The following RBM33 variants were observed in gnomAD, a reference collection of about 807,000 sequenced individuals.
The protein encoded by RBM33 is RNA-binding protein 33.
A neutral mutation model predicts 132.6 loss-of-function variants in RBM33; 28 were observed. The observed-to-expected ratio is 0.21, with a 90% confidence interval of 0.16 to 0.29. RBM33 has a LOEUF of 0.29. RBM33 is among the 10% of genes least tolerant of loss of function. RBM33 has a pLI of 1.00. For synonymous variants in RBM33, 634 were observed against 593.0 expected (o/e 1.07, Z -1.01); for missense variants, 1,291 against 1,518.5 (o/e 0.85, Z 2.49).
intron 16 of RBM33, among the ~76,000 whole-genome samples, chr7:155,768,780 A>G (rs1802309626): frequency 6.6e-6 from 1 of 151,978 alleles, no homozygotes; most frequent in African/African-American, 2.4e-5. Context: ...CGCCTGGCTA[A>G]TTTTTTGTAT....
At chr7:155,769,308 G>A (rs1296030397) in intron 16 of RBM33, among the ~76,000 whole-genome samples, 1 of 152,170 alleles carries the variant, frequency 6.6e-6, no homozygotes, top group East Asian at 1.9e-4. Context: ...ACCGTCATCT[G>A]TGTTTCTTGC....
At chr7:155,717,220 C>T (rs1022642345) in intron 8 of RBM33, among the ~76,000 whole-genome samples, 2 of 152,162 alleles carry the variant, frequency 1.3e-5, no homozygotes, top group Non-Finnish European at 2.9e-5. Context: ...GTGAGTTAAA[C>T]AACAGAAACT....
intron 2 of RBM33, 55 bp from the exon 3 acceptor site, chr7:155,672,812 A>G (rs1798980848): frequency 2.2e-6 from 3 of 1,348,300 alleles, no homozygotes; most frequent in Non-Finnish European, 2.1e-6. Context: ...GTGATCTACA[A>G]ACTTGCAAGT....
In RBM33 at chr7:155,696,968, C is replaced by G. The variant is rs181535227; in HGVS notation, c.568-3805C>G. On this transcript the variant is annotated intron_variant, in intron 5 of 17. Coordinates refer to ENST00000401878, the MANE Select transcript of RBM33 (RefSeq NM_053043.3). ...GAGGTTGTGGATTTTGGAAAGAACA[C>G]TATGGAACCCTTGTGCCACTGGGCG... Among the ~76,000 whole-genome samples the G allele has an allele frequency of 1.2e-4, 19 of 152,332 alleles. No homozygotes were observed. In the East Asian group the frequency reaches 3.7e-3, roughly 29 times the overall value.
At chr7:155,658,899 AT>A (rs1249246469) in intron 1 of RBM33, among the ~76,000 whole-genome samples, 1 of 152,030 alleles carries the variant, frequency 6.6e-6, no homozygotes, top group Admixed American at 6.6e-5. Flanking sequence ...TGTTATTTTC[AT>A]CCCCCTCTGC....
intron 2 of RBM33, among the ~76,000 whole-genome samples, chr7:155,670,858 ATACACT>A (rs1280559196): frequency 6.6e-6 from 1 of 152,234 alleles, no homozygotes; most frequent in Non-Finnish European, 1.5e-5. Flanking sequence ...TTTATAGTTG[ATACACT>A]TACTTATCTT....
intron 5 of RBM33, among the ~76,000 whole-genome samples, chr7:155,688,384 G>A (rs1275766113): frequency 2.6e-5 from 4 of 152,262 alleles, no homozygotes; most frequent in East Asian, 1.9e-4. Flanking sequence ...GGGCTGAGAC[G>A]ATGGGGTTTT....
intron 1 of RBM33, among the ~76,000 whole-genome samples, chr7:155,646,109 G>T (rs1798181906): frequency 6.6e-6 from 1 of 152,110 alleles, no homozygotes; most frequent in Admixed American, 6.5e-5. Flanking sequence ...TGTAACCTGG[G>T]AACTCTTGGG....
chr7:155,750,703 C>T (rs528899816), intron 14 of RBM33, among the ~76,000 whole-genome samples: 3 of 151,692 alleles, frequency 2.0e-5, no homozygotes, highest in Admixed American at 1.3e-4. Flanking sequence ...AATGTTACCA[C>T]CCTTTTAGTT....
At chr7:155,673,948 T>TTTTTG (rs1563138376) in intron 3 of RBM33, among the ~76,000 whole-genome samples, 14 of 104,556 alleles carry the variant, frequency 1.3e-4, no homozygotes, top group African/African-American at 5.3e-4. Context: ...TAGTTTTTTT[T>TTTTTG]TTTTTTTTTT....
intron 8 of RBM33, among the ~76,000 whole-genome samples, chr7:155,715,347 G>A (rs1386196147): frequency 6.6e-6 from 1 of 152,186 alleles, no homozygotes; most frequent in Non-Finnish European, 1.5e-5. Flanking sequence ...GTAAAATGCC[G>A]TGGAAAGCTG....
At chr7:155,672,781 G>T in intron 2 of RBM33, 86 bp from the exon 3 acceptor site, 19 of 754,818 alleles carry the variant, frequency 2.5e-5, no homozygotes, top group Non-Finnish European at 3.8e-5. Context: ...CTGAGCTGTA[G>T]AGTTCTTGGT....
chr7:155,735,552 G>C (rs1801090854), intron 9 of RBM33, among the ~76,000 whole-genome samples: 1 of 151,728 alleles, frequency 6.6e-6, no homozygotes, highest in African/African-American at 2.4e-5. Flanking sequence ...AAAAAAACTA[G>C]CTGGATGTGG....
chr7:155,765,623 G>C (rs2117071642), intron 15 of RBM33, among the ~76,000 whole-genome samples: 1 of 152,274 alleles, frequency 6.6e-6, no homozygotes, highest in Middle Eastern at 3.4e-3. Flanking sequence ...TGGAAACCTA[G>C]TGCCGTCCAT....
chr7:155,702,596 A>C (rs1461630282), intron 6 of RBM33, among the ~76,000 whole-genome samples: 2 of 152,238 alleles, frequency 1.3e-5, no homozygotes, highest in East Asian at 3.8e-4. Context: ...GTAATATCAC[A>C]GAACAGTCTA....
At chr7:155,724,323 G>A (rs1445207602) in intron 9 of RBM33, among the ~76,000 whole-genome samples, 1 of 152,114 alleles carries the variant, frequency 6.6e-6, no homozygotes, top group Non-Finnish European at 1.5e-5. Context: ...GAAGTCAGGA[G>A]TTCGAGACCA....
At chr7:155,646,356 G>A (rs1403527990) in intron 1 of RBM33, among the ~76,000 whole-genome samples, 1 of 152,146 alleles carries the variant, frequency 6.6e-6, no homozygotes, top group Non-Finnish European at 1.5e-5. Flanking sequence ...ATAATTTTGA[G>A]GTCAGAAGTT....
intron 9 of RBM33, 79 bp from the exon 10 acceptor site, chr7:155,737,451 C>G: frequency 5.6e-6 from 8 of 1,420,634 alleles, no homozygotes; most frequent in Non-Finnish European, 7.4e-6. Context: ...AAACTTGGAA[C>G]CAGGTCTATA....
intron 16 of RBM33, among the ~76,000 whole-genome samples, chr7:155,772,670 C>T (rs1802470211): frequency 6.6e-6 from 1 of 152,156 alleles, no homozygotes; most frequent in Non-Finnish European, 1.5e-5. Context: ...GGGAGAAAGT[C>T]TGATATTTTA....
Sources: gnomAD v4.1 joint callset for allele counts (sites outside exome capture counted in the v4.1 genomes callset) on GRCh38, gnomAD v4.1.1 for gene constraint, MANE v1.5 for transcripts, NCBI Gene and HGNC (gene_info 2026-07-23, HGNC 2026-07-21) for gene names.